The following POLH variants were observed in gnomAD, a reference collection of about 807,000 sequenced individuals.
The protein encoded by POLH is DNA polymerase eta.
A neutral mutation model predicts 73.6 loss-of-function variants in POLH; 53 were observed. The ratio of observed to expected loss-of-function variants is 0.72; its 90% CI spans 0.58 to 0.91. The LOEUF is 0.91. POLH is among the 40% of genes least tolerant of loss of function. The pLI is 0.00. For synonymous variants in POLH, 292 were observed against 308.5 expected (o/e 0.95, Z 0.56); for missense variants, 768 against 865.4 (o/e 0.89, Z 1.41).
At chr6:43,592,606 G>A (rs1360172012) in intron 4 of POLH, among the ~76,000 whole-genome samples, 12 of 151,852 alleles carry the variant, frequency 7.9e-5, no homozygotes, top group East Asian at 3.8e-4. Context: ...TAGTAGAGAC[G>A]GGGTTTCACC....
intron 1 of POLH, chr6:43,578,539 G>T: frequency 3.0e-6 from 1 of 333,004 alleles, no homozygotes. Context: ...AAAAAAAAGT[G>T]TCATGGTCAT....
rs755544334 is a variant in POLH at position 43,604,711 on chromosome 6, A to C, written c.981A>C (p.Gly327=). Residue 327 remains glycine, a synonymous_variant, in exon 8 of 11, where the codon GGA becomes GGC. Coordinates refer to ENST00000372236, the MANE Select transcript of POLH (RefSeq NM_006502.3). The part of the protein sequence containing the change: ...KTIGCSKNFP[G]KTALATREQV... Reference sequence around the variant, plus strand: ...TTGGCTGTAGTAAGAACTTCCCAGGAAAAACAGCTCTTGCTACTCGGGAAC... The same window carrying C: ...TTGGCTGTAGTAAGAACTTCCCAGGCAAAACAGCTCTTGCTACTCGGGAAC... The C allele has an allele frequency of 6.2e-7, 1 of 1,614,092 alleles. No individual in the cohort carries two copies. The highest frequency in any genetic ancestry group is 1.3e-5 in the African/African-American group (1 of 75,058).
intron 9 of POLH, among the ~76,000 whole-genome samples, chr6:43,606,398 T>G (rs1359646916): frequency 6.6e-6 from 1 of 152,128 alleles, no homozygotes; most frequent in Non-Finnish European, 1.5e-5. Flanking sequence ...ACATTTTTCT[T>G]TCTAATGTTA....
intron 3 of POLH, among the ~76,000 whole-genome samples, chr6:43,584,283 T>C (rs1764577958): frequency 2.0e-5 from 3 of 152,212 alleles, no homozygotes; most frequent in African/African-American, 7.2e-5. Context: ...GGACCTGACA[T>C]ACTTCTGAAT....
At chr6:43,609,426 C>T (rs1767650185) in intron 9 of POLH, among the ~76,000 whole-genome samples, 1 of 152,176 alleles carries the variant, frequency 6.6e-6, no homozygotes, top group African/African-American at 2.4e-5. Context: ...AGTTCCTGCT[C>T]TTAGCTTGTT....
chr6:43,610,605 A>G lies in POLH; in HGVS notation c.1126A>G (p.Lys376Glu). The G allele has an allele frequency of 6.2e-7, 1 of 1,614,138 alleles. No individual in the cohort carries two copies. The highest frequency in any genetic ancestry group is 8.5e-7 in the Non-Finnish European group (1 of 1,180,006). The change falls in exon 10 of 11, where the codon AAA becomes GAA. Residue 376 changes from lysine (K) to glutamate (E), a missense_variant. By Grantham distance (56) the Lys-to-Glu change is moderately conservative. Coordinates refer to ENST00000372236, the MANE Select transcript of POLH (RefSeq NM_006502.3). ...TGTGAGCATTCGTGTACAAGGAGAC[A>G]AACGCCTCAGCAGCCTGCGCCGCTG... ...LVVSIRVQGD[K>E]RLSSLRRCCA...
chr6:43,581,250 C>G (rs1031519873), intron 1 of POLH, among the ~76,000 whole-genome samples: 2 of 150,026 alleles, frequency 1.3e-5, no homozygotes, highest in Non-Finnish European at 3.0e-5. Context: ...CCTCACATCC[C>G]AGATGGGGCG....
chr6:43,605,439 CTTTCTTTT>C, intron 9 of POLH, 120 bp downstream of exon 9: 1 of 354,408 alleles, frequency 2.8e-6, no homozygotes, highest in South Asian at 3.2e-5. Context: ...TATCCGTTTT[CTTTCTTTT>C]TTTTTTTTTT....
At chr6:43,585,637 C>CTTTTTTTTTTTTTTTTTTTTTTTTTTT (rs1208848737) in intron 3 of POLH, among the ~76,000 whole-genome samples, 4 of 107,404 alleles carry the variant, frequency 3.7e-5, no homozygotes, top group African/African-American at 2.2e-4. Flanking sequence ...TCTTTCTTTT[C>CTTTTTTTTTTTTTTTTTTTTTTTTTTT]TTTTTTTTTT....
At chr6:43,581,921 G>T (rs1380751166) in intron 1 of POLH, among the ~76,000 whole-genome samples, 2 of 151,482 alleles carry the variant, frequency 1.3e-5, no homozygotes, top group Non-Finnish European at 2.9e-5. Flanking sequence ...TCGAGTGAAA[G>T]AATCTTAAAA....
rs1768362565 is a variant in POLH at position 43,616,550 on chromosome 6, A to G, written c.*1993A>G. Among the ~76,000 whole-genome samples the G allele has an allele frequency of 6.7e-6, 1 of 148,302 alleles. No individual in the cohort carries two copies. Among genetic ancestry groups the G allele is most frequent in the Non-Finnish European group, 1.5e-5 (1 of 67,188 alleles). On this transcript the variant is annotated 3_prime_UTR_variant, in exon 11 of 11. Coordinates refer to ENST00000372236, the MANE Select transcript of POLH (RefSeq NM_006502.3). ...GTTGCAGTGAGTTGAGATCACACCA[A>G]TGCACTCCAGCCAGGGTGAGAGTGA...
intron 1 of POLH, among the ~76,000 whole-genome samples, chr6:43,577,510 T>A (rs912191575): frequency 6.6e-6 from 1 of 152,258 alleles, no homozygotes; most frequent in African/African-American, 2.4e-5. Flanking sequence ...CTGCCTGTTT[T>A]AGGCGTGGTC....
intron 9 of POLH, among the ~76,000 whole-genome samples, chr6:43,607,877 G>A (rs1051132906): frequency 2.0e-5 from 3 of 152,082 alleles, no homozygotes; most frequent in African/African-American, 7.2e-5. Context: ...CGGGCGTGGT[G>A]GCTCAAATTT....
Position 43,619,364 on chromosome 6 carries a change from C to CAA in POLH, c.*4836_*4837dup, listed in dbSNP as rs60046548. On this transcript the variant is annotated 3_prime_UTR_variant, in exon 11 of 11. Coordinates refer to ENST00000372236, the MANE Select transcript of POLH (RefSeq NM_006502.3). The stretch of plus-strand genomic sequence containing the variant: ...TGGGTGACAGTCTGAGACCCTGTCT[C>CAA]AAAAAAAAAAAAAAAAAAAAAAAAA... Among the ~76,000 whole-genome samples, 147 of 37,072 alleles carry CAA rather than the reference C, an allele frequency of 4.0e-3. 15 individuals are homozygous for CAA. Among genetic ancestry groups the CAA allele is most frequent in the East Asian group, 8.8e-3 (5 of 566 alleles). The allele number at this position is 37,072 out of a possible 152,430, so 24.3% of individuals were successfully genotyped here.
At chr6:43,585,637 C>CTTTTTTTTTTTTTTTT (rs1208848737) in intron 3 of POLH, among the ~76,000 whole-genome samples, 37 of 107,406 alleles carry the variant, frequency 3.4e-4, no homozygotes, top group African/African-American at 1.9e-3. Flanking sequence ...TCTTTCTTTT[C>CTTTTTTTTTTTTTTTT]TTTTTTTTTT....
intron 9 of POLH, among the ~76,000 whole-genome samples, chr6:43,606,442 T>G (rs1226918688): frequency 1.3e-5 from 2 of 152,150 alleles, no homozygotes; most frequent in Non-Finnish European, 2.9e-5. Flanking sequence ...CTCCTTTTTT[T>G]TTTTGAGACT....
chr6:43,593,816 GTTGCAGTGAGCTGAGA>G (rs1765733431), intron 4 of POLH, among the ~76,000 whole-genome samples: 1 of 147,802 alleles, frequency 6.8e-6, no homozygotes, highest in African/African-American at 2.5e-5. Flanking sequence ...GGAGGCAGAG[GTTGCAGTGAGCTGAGA>G]TTGCGCCACT....
intron 7 of POLH, 31 bp downstream of exon 7, chr6:43,604,042 C>A (rs766442553): frequency 1.9e-6 from 3 of 1,574,956 alleles, no homozygotes; most frequent in African/African-American, 1.4e-5. Flanking sequence ...AAAATCATAA[C>A]CTTTATGGAG....
At chr6:43,580,738 G>C (rs1204923500) in intron 1 of POLH, among the ~76,000 whole-genome samples, 1 of 133,456 alleles carries the variant, frequency 7.5e-6, no homozygotes, top group Non-Finnish European at 1.7e-5. Flanking sequence ...CCTCCCTCCC[G>C]GACGGGGCGG....
Sources: gnomAD v4.1 joint callset for allele counts (sites outside exome capture counted in the v4.1 genomes callset) on GRCh38, gnomAD v4.1.1 for gene constraint, MANE v1.5 for transcripts, NCBI Gene and HGNC (gene_info 2026-07-23, HGNC 2026-07-21) for gene names.